GNAI1: variants seen among roughly 807,000 people sequenced by gnomAD.
GNAI1 encodes G protein subunit alpha i1.
A neutral mutation model predicts 38.9 loss-of-function variants in GNAI1; 11 were observed. The observed-to-expected ratio is 0.28, with a 90% CI of 0.18 to 0.47. The LOEUF (loss-of-function observed/expected upper bound fraction) is 0.47. GNAI1 is among the 20% of genes least tolerant of loss of function. The pLI is 0.99. For missense variants in GNAI1, 317 were observed against 436.9 expected (o/e 0.73, Z 2.45); for synonymous variants, 166 against 145.1 (o/e 1.14, Z -1.04).
At chr7:80,214,220 C>T (rs1436290278) in intron 7 of GNAI1, among the ~76,000 whole-genome samples, 4 of 152,196 alleles carry the variant, frequency 2.6e-5, no homozygotes, top group Non-Finnish European at 5.9e-5. Flanking sequence ...CATTTACTTA[C>T]TTTAAAACTT....
rs139926754 is a variant in GNAI1 at position 80,171,547 on chromosome 7, T to C, written c.119-17404T>C. On this transcript the variant is annotated intron_variant, in intron 1 of 7. Coordinates refer to ENST00000649796, the MANE Select transcript of GNAI1 (RefSeq NM_002069.6). ...TTTATTATTGATGTTTATTTTAATT[T>C]ACATCTTGATGTAAAATGGCATCTA... 6.4e-3 allele frequency among the ~76,000 whole-genome samples: 968 copies of C among 152,354 alleles called. 7 individuals carry two copies. Among genetic ancestry groups the C allele is most frequent in the Middle Eastern group, 0.014 (4 of 294 alleles).
chr7:80,136,379 G>A (rs776185706), intron 1 of GNAI1, among the ~76,000 whole-genome samples: 9 of 152,104 alleles, frequency 5.9e-5, no homozygotes, highest in Non-Finnish European at 1.3e-4. Context: ...GCACAAACCT[G>A]TTTTCAGTAA....
intron 1 of GNAI1, among the ~76,000 whole-genome samples, chr7:80,164,563 C>T (rs955691160): frequency 2.0e-5 from 3 of 151,730 alleles, no homozygotes; most frequent in African/African-American, 4.8e-5. Flanking sequence ...GGGGTTTCAC[C>T]GTGTTAGCCA....
intron 5 of GNAI1, among the ~76,000 whole-genome samples, chr7:80,208,541 T>TC (rs1788817732): frequency 6.6e-6 from 1 of 152,082 alleles, no homozygotes; most frequent in Non-Finnish European, 1.5e-5. Flanking sequence ...AAAAGGATGG[T>TC]CCCCCAAGCT....
intron 1 of GNAI1, among the ~76,000 whole-genome samples, chr7:80,184,385 C>T (rs1788354123): frequency 6.6e-6 from 1 of 152,128 alleles, no homozygotes. Context: ...CCTGATTCTT[C>T]CCTTGGGGTG....
chr7:80,177,135 A>G (rs1788199304), intron 1 of GNAI1, among the ~76,000 whole-genome samples: 1 of 137,166 alleles, frequency 7.3e-6, no homozygotes, highest in East Asian at 2.3e-4. Flanking sequence ...GGTTCATGCC[A>G]TTCTCCTGCC....
chr7:80,136,197 C>A, intron 1 of GNAI1: 1 of 248,028 alleles, frequency 4.0e-6, no homozygotes, highest in Non-Finnish European at 6.4e-6. Flanking sequence ...CTGAGGGAAG[C>A]ATTAGGAAAA....
chr7:80,217,397 C>G lies in GNAI1; in HGVS notation c.969C>G (p.Phe323Leu). The G allele has an allele frequency of 6.2e-7, 1 of 1,605,750 alleles. No individual in the cohort carries two copies. The highest frequency in any genetic ancestry group is 1.7e-5 in the Admixed American group (1 of 59,736). ...ACACAAAGGAAATATACACCCACTT[C>G]ACATGTGCCACAGATACTAAGAATG... ...RKDTKEIYTHFTCATDTKNVQ... is the reference protein window; with the variant it reads ...RKDTKEIYTHLTCATDTKNVQ... The change falls in exon 8 of 8, where the codon TTC becomes TTG. Residue 323 changes from phenylalanine to leucine, a missense_variant. Coordinates refer to ENST00000649796, the MANE Select transcript of GNAI1 (RefSeq NM_002069.6).
intron 1 of GNAI1, among the ~76,000 whole-genome samples, chr7:80,144,330 C>T (rs919187776): frequency 4.6e-5 from 7 of 151,776 alleles, no homozygotes; most frequent in Non-Finnish European, 7.4e-5. Context: ...GACAACTTTC[C>T]ACAAAATATA....
intron 1 of GNAI1, among the ~76,000 whole-genome samples, chr7:80,160,572 A>G (rs1264939215): frequency 3.9e-5 from 6 of 152,130 alleles, no homozygotes; most frequent in Admixed American, 3.9e-4. Flanking sequence ...AAACATTTTC[A>G]TTACGTTTTA....
In GNAI1 at chr7:80,221,636, C is replaced by CTTTTTTTTTT. The variant is rs71518978; in HGVS notation, c.*4159_*4168dup. Among the ~76,000 whole-genome samples the CTTTTTTTTTT allele has an allele frequency of 1.2e-4, 11 of 94,358 alleles. 1 individual carries two copies. The highest frequency in any genetic ancestry group is 7.8e-4 in the East Asian group (2 of 2,568). The allele number at this position is 94,358 out of a possible 152,430, so 61.9% of individuals were successfully genotyped here. ...ATTTTAATGTTAGGTTGGAAATTTT[C>CTTTTTTTTTT]TTTTTTTTTTTTTTTTTTTTTTTTT... On this transcript the variant is annotated 3_prime_UTR_variant, in exon 8 of 8. Coordinates refer to ENST00000649796, the MANE Select transcript of GNAI1 (RefSeq NM_002069.6).
Position 80,221,478 on chromosome 7 carries a change from T to C in GNAI1, c.*3985T>C, listed in dbSNP as rs549377470. Among the ~76,000 whole-genome samples the C allele has an allele frequency of 1.8e-3, 269 of 152,176 alleles. 1 individual carries two copies. Among genetic ancestry groups the C allele is most frequent in the Middle Eastern group, 3.4e-3 (1 of 294 alleles). ...GAATGAAATGCCTCAAAAACAAAACTCTCATAATTCGTTTTCATAATGAAA... is the reference window on the plus strand; with the variant it reads ...GAATGAAATGCCTCAAAAACAAAACCCTCATAATTCGTTTTCATAATGAAA... On this transcript the variant is annotated 3_prime_UTR_variant, in exon 8 of 8. Coordinates refer to ENST00000649796, the MANE Select transcript of GNAI1 (RefSeq NM_002069.6).
chr7:80,222,272 A>C lies in GNAI1; in HGVS notation c.*4779A>C, dbSNP rs1015868304. ...TAATAAATCTTCCTGAGTATTGTGT[A>C]TAAGGTCAAATATTTCCAGCTTCTT... On this transcript the variant is annotated 3_prime_UTR_variant, in exon 8 of 8. Transcript: ENST00000649796. Among the ~76,000 whole-genome samples the C allele has an allele frequency of 5.3e-5, 8 of 152,062 alleles. No individual in the cohort carries two copies. Among genetic ancestry groups the C allele is most frequent in the African/African-American group, 1.9e-4 (8 of 41,406 alleles).
intron 7 of GNAI1, among the ~76,000 whole-genome samples, chr7:80,216,381 A>T (rs1788968588): frequency 6.6e-6 from 1 of 152,114 alleles, no homozygotes; most frequent in African/African-American, 2.4e-5. Flanking sequence ...CTGATTACTC[A>T]CTGATAATCA....
At position 80,221,927 on chromosome 7, in the gene GNAI1, A is replaced by G. The variant is rs1319850990; in HGVS notation, c.*4434A>G. Among the ~76,000 whole-genome samples, 3 of 152,138 alleles carry G rather than the reference A, an allele frequency of 2.0e-5. No homozygotes were observed. Among genetic ancestry groups the G allele is most frequent in the Non-Finnish European group, 4.4e-5 (3 of 68,024 alleles). ...AGTGCTGGGATTACAGACGTGAGCC[A>G]CTGCGCCCAGCCAGTTTTCTTTTTT... On this transcript the variant is annotated 3_prime_UTR_variant, in exon 8 of 8. Transcript: ENST00000649796.
chr7:80,180,495 C>T (rs1309834659), intron 1 of GNAI1, among the ~76,000 whole-genome samples: 2 of 152,138 alleles, frequency 1.3e-5, no homozygotes, highest in Non-Finnish European at 2.9e-5. Flanking sequence ...TCTTTTTCTA[C>T]CTAAAATTCT....
At chr7:80,139,242 T>C (rs1205829441) in intron 1 of GNAI1, among the ~76,000 whole-genome samples, 1 of 152,220 alleles carries the variant, frequency 6.6e-6, no homozygotes, top group African/African-American at 2.4e-5. Context: ...AGTCCTTCTC[T>C]GCCTCTGGCA....
rs138053028 is a variant in GNAI1 at position 80,211,718 on chromosome 7, C to T, written c.720+620C>T. Among the ~76,000 whole-genome samples, 419 of 152,182 alleles carry T rather than the reference C, an allele frequency of 2.8e-3. 7 individuals are homozygous for T. Among genetic ancestry groups the T allele is most frequent in the African/African-American group, 9.7e-3 (401 of 41,532 alleles). ...ACAGGCCTGAGCCACCGCACCCAGC[C>T]GGTAAATCTTTAATATATGTTATGC... On this transcript the variant is annotated intron_variant, in intron 6 of 7. Coordinates refer to ENST00000649796, the MANE Select transcript of GNAI1 (RefSeq NM_002069.6).
Position 80,217,874 on chromosome 7 carries a change from C to T in GNAI1, c.*381C>T, listed in dbSNP as rs770098014. On this transcript the variant is annotated 3_prime_UTR_variant, in exon 8 of 8. Transcript: ENST00000649796. Reference sequence around the variant, plus strand: ...TGGCTTTGGAAATAACATAAATATACCTTGTACTGAATGACAGACTATTAC... The same window carrying T: ...TGGCTTTGGAAATAACATAAATATATCTTGTACTGAATGACAGACTATTAC... 1 of 153,732 alleles carries T rather than the reference C, an allele frequency of 6.5e-6. No homozygotes were observed. The highest frequency in any genetic ancestry group is 1.5e-5 in the Non-Finnish European group (1 of 68,916). 9.5% of individuals were successfully genotyped at this position (153,732 alleles called of 1,614,324 possible). A position where few individuals can be genotyped will look rare whatever the true frequency, so the allele number is the denominator to read the frequency against.
Sources: allele counts gnomAD v4.1 joint callset (sites outside exome capture counted in the v4.1 genomes callset), GRCh38; gene constraint gnomAD v4.1.1; transcripts MANE v1.5; gene names NCBI Gene and HGNC (gene_info 2026-07-23, HGNC 2026-07-21).